TOX3: variants seen among roughly 807,000 people sequenced by gnomAD.
The protein encoded by TOX3 is TOX high mobility group box family member 3, also known as CAG trinucleotide repeat-containing gene F9 protein.
A neutral mutation model predicts 64.3 loss-of-function variants in TOX3; 22 were observed. That is an observed-to-expected ratio of 0.34 (90% CI 0.24 to 0.49). TOX3 has a LOEUF of 0.49. Among genes scored for constraint, TOX3 ranks in the 20% least tolerant of loss-of-function variants. The pLI, the probability that TOX3 is intolerant of heterozygous loss-of-function variation, is 0.99. For missense variants in TOX3, 661 were observed against 714.4 expected, an observed-to-expected ratio of 0.93 and a Z score of 0.85; for synonymous variants, 291 against 273.6, an observed-to-expected ratio of 1.06 and a Z score of -0.63.
At chr16:52,514,883 C>T (rs1024477061) in intron 1 of TOX3, among the ~76,000 whole-genome samples, 4 of 151,528 alleles carry the variant, frequency 2.6e-5, no homozygotes, top group Non-Finnish European at 5.9e-5. Context: ...TGGTGGCAGG[C>T]ACCTGTAGTC....
rs888833841 is a variant in TOX3, at chr16:52,546,575, G to C, written c.87+62C>G. 3.9e-5 allele frequency: 58 copies of C among 1,473,586 alleles called. No individual in the cohort carries two copies. The African/African-American group carries it at 7.2e-4, about 18-fold the overall frequency. 91.3% of individuals were successfully genotyped at this position (1,473,586 alleles called of 1,614,324 possible). A position where few individuals can be genotyped will look rare whatever the true frequency, so the allele number is the denominator to read the frequency against. On this transcript the variant is annotated intron_variant, in intron 1 of 6. Coordinates refer to ENST00000219746, the MANE Select transcript of TOX3 (RefSeq NM_001080430.4). ...TGCAGCAGGCGGTGAGCCCGAGCGC[G>C]GGGCGCGCCCAGGATGGGGAGGTGG...
At chr16:52,488,405 C>T (rs767867844) in intron 1 of TOX3, among the ~76,000 whole-genome samples, 5 of 152,150 alleles carry the variant, frequency 3.3e-5, no homozygotes, top group Non-Finnish European at 5.9e-5. Flanking sequence ...GTTAATTCTT[C>T]CTCTGCTCCA....
At chr16:52,530,381 G>A (rs1465530356) in intron 1 of TOX3, among the ~76,000 whole-genome samples, 2 of 151,208 alleles carry the variant, frequency 1.3e-5, no homozygotes, top group African/African-American at 2.4e-5. Context: ...CTCTTGCCCA[G>A]GCTAAAGTGC....
At chr16:52,487,082 T>C (rs1245648887) in intron 1 of TOX3, among the ~76,000 whole-genome samples, 1 of 152,064 alleles carries the variant, frequency 6.6e-6, no homozygotes, top group African/African-American at 2.4e-5. Flanking sequence ...AAATGGTACA[T>C]AAATGGAAAT....
At chr16:52,466,758 T>G (rs1172392760) in intron 2 of TOX3, among the ~76,000 whole-genome samples, 1 of 152,148 alleles carries the variant, frequency 6.6e-6, no homozygotes, top group Non-Finnish European at 1.5e-5. Context: ...TATCCTAACC[T>G]AATATAATAA....
chr16:52,508,087 G>A (rs1285447457), intron 1 of TOX3, among the ~76,000 whole-genome samples: 1 of 152,192 alleles, frequency 6.6e-6, no homozygotes, highest in Non-Finnish European at 1.5e-5. Flanking sequence ...TATCATAGCA[G>A]GACACCTGTA....
chr16:52,524,969 TAA>T (rs10708737), intron 1 of TOX3, among the ~76,000 whole-genome samples: 4 of 144,926 alleles, frequency 2.8e-5, no homozygotes, highest in African/African-American at 7.6e-5. Context: ...ATTATTAAAT[TAA>T]AAAAAAAAAA....
At chr16:52,545,078 C>T (rs1468480434) in intron 1 of TOX3, among the ~76,000 whole-genome samples, 2 of 152,344 alleles carry the variant, frequency 1.3e-5, no homozygotes, top group Non-Finnish European at 1.5e-5. Context: ...CTTAATTAGG[C>T]TGCCTAAGTC....
intron 1 of TOX3, among the ~76,000 whole-genome samples, chr16:52,492,782 G>T (rs1367119894): frequency 6.6e-6 from 1 of 150,772 alleles, no homozygotes; most frequent in Non-Finnish European, 1.5e-5. Flanking sequence ...CCCTATCTTT[G>T]CTTCTAATTT....
At chr16:52,516,558 C>T (rs921938428) in intron 1 of TOX3, among the ~76,000 whole-genome samples, 2 of 152,050 alleles carry the variant, frequency 1.3e-5, no homozygotes, top group Non-Finnish European at 2.9e-5. Context: ...TCTGACATTT[C>T]CTTATTCTAC....
At chr16:52,477,766 G>C (rs1177802566) in intron 1 of TOX3, among the ~76,000 whole-genome samples, 1 of 152,206 alleles carries the variant, frequency 6.6e-6, no homozygotes. Flanking sequence ...GATAAGAACA[G>C]TATTTGCCAC....
chr16:52,545,882 C>T (rs531846373), intron 1 of TOX3, among the ~76,000 whole-genome samples: 12 of 152,270 alleles, frequency 7.9e-5, no homozygotes, highest in African/African-American at 2.9e-4. Context: ...CCACCTGGAA[C>T]GCTCGGTCCT....
At position 52,446,137 on chromosome 16, in the gene TOX3, G is replaced by A; in HGVS notation, c.763C>T (p.Pro255Ser). 1 of 1,613,954 alleles carries A rather than the reference G, an allele frequency of 6.2e-7. No individual in the cohort carries two copies. The highest frequency in any genetic ancestry group is 8.5e-7 in the Non-Finnish European group (1 of 1,179,850). ...GCATATGCTGACACTGGCTTCTGTGGCTCATTGGGATCTTTCTTTTTCTTT... is the reference window on the plus strand; with the variant it reads ...GCATATGCTGACACTGGCTTCTGTGACTCATTGGGATCTTTCTTTTTCTTT... ...KKKKKKDPNE[P>S]QKPVSAYALF... Residue 255 changes from proline (P) to serine (S), a missense_variant, in exon 5 of 7, where the codon CCA (proline) becomes TCA (serine). Coordinates refer to ENST00000219746, the MANE Select transcript of TOX3 (RefSeq NM_001080430.4).
At chr16:52,507,036 T>C (rs1003479187) in intron 1 of TOX3, among the ~76,000 whole-genome samples, 1 of 152,182 alleles carries the variant, frequency 6.6e-6, no homozygotes, top group African/African-American at 2.4e-5. Context: ...AAGAGACCCA[T>C]AGAGTTCACA....
At chr16:52,456,147 G>A (rs1960510159) in intron 3 of TOX3, among the ~76,000 whole-genome samples, 1 of 152,142 alleles carries the variant, frequency 6.6e-6, no homozygotes, top group South Asian at 2.1e-4. Context: ...TAGGAAGTCT[G>A]GATTATATTC....
Position 52,503,724 on chromosome 16 carries a change from AT to A in TOX3, c.88-35151del, listed in dbSNP as rs573010475. On this transcript the variant is annotated intron_variant, in intron 1 of 6. Coordinates refer to ENST00000219746, the MANE Select transcript of TOX3 (RefSeq NM_001080430.4). ...TCCAACTTCCAAAAATAAGCAATAA[AT>A]TTTTTTTAAAGAGCTGTTATTTTAA... Among the ~76,000 whole-genome samples, 619 of 152,178 alleles carry A rather than the reference AT, an allele frequency of 4.1e-3. 6 individuals are homozygous for A. Among genetic ancestry groups the A allele is most frequent in the African/African-American group, 0.013 (532 of 41,514 alleles).
intron 6 of TOX3, among the ~76,000 whole-genome samples, chr16:52,442,216 G>A (rs34598545): frequency 6.6e-6 from 1 of 152,218 alleles, no homozygotes; most frequent in Non-Finnish European, 1.5e-5. Context: ...TTTGGTTATT[G>A]TAAAGATTAA....
Position 52,546,995 on chromosome 16 carries a change from C to G in TOX3, c.-272G>C. The G allele has an allele frequency of 4.1e-6, 4 of 965,980 alleles. No homozygotes were observed. Among genetic ancestry groups the G allele is most frequent in the Non-Finnish European group, 4.9e-6 (4 of 817,108 alleles). The allele number at this position is 965,980 out of a possible 1,614,324, so 59.8% of individuals were successfully genotyped here. ...GAGGCAGCGCTGCGCGCGGGCCGGG[C>G]GCCGGGGGCGCGGGGCGCGGCGCTG... is the stretch of plus-strand genomic sequence containing the variant. On this transcript the variant is annotated 5_prime_UTR_variant, in exon 1 of 7. Coordinates refer to ENST00000219746, the MANE Select transcript of TOX3 (RefSeq NM_001080430.4).
intron 1 of TOX3, among the ~76,000 whole-genome samples, chr16:52,506,108 C>A (rs1250259304): frequency 6.6e-6 from 1 of 152,176 alleles, no homozygotes; most frequent in Non-Finnish European, 1.5e-5. Context: ...AGGACAAGAG[C>A]CGTCGTGTTA....
Sources: gnomAD v4.1 joint callset for allele counts (sites outside exome capture counted in the v4.1 genomes callset) on GRCh38, gnomAD v4.1.1 for gene constraint, MANE v1.5 for transcripts, NCBI Gene and HGNC (gene_info 2026-07-23, HGNC 2026-07-21) for gene names.